PACRG: variants seen among roughly 807,000 people sequenced by gnomAD.
The protein encoded by PACRG is parkin coregulated gene protein.
A neutral mutation model predicts 29.7 loss-of-function variants in PACRG; 29 were observed. The ratio of observed to expected loss-of-function variants is 0.98; its 90% CI spans 0.73 to 1.33. PACRG has a LOEUF of 1.33. PACRG is among the 40% of genes most tolerant of loss of function. PACRG has a pLI of 0.00. For missense variants in PACRG, 279 were observed against 316.2 expected (o/e 0.88, Z 0.89); for synonymous variants, 116 against 118.7 (o/e 0.98, Z 0.15).
At chr6:162,752,683 G>C (rs1781601425) in intron 1 of PACRG, among the ~76,000 whole-genome samples, 1 of 152,222 alleles carries the variant, frequency 6.6e-6, no homozygotes, top group African/African-American at 2.4e-5. Context: ...GCACACTTTA[G>C]CTCTAGAGTG....
chr6:162,776,350 A>G (rs533051579), intron 1 of PACRG, among the ~76,000 whole-genome samples: 1 of 152,322 alleles, frequency 6.6e-6, no homozygotes, highest in Admixed American at 6.5e-5. Context: ...GCCTGTCCTC[A>G]TTCAGGTCAC....
intron 2 of PACRG, among the ~76,000 whole-genome samples, chr6:162,972,106 C>T (rs892964049): frequency 2.6e-5 from 4 of 152,278 alleles, no homozygotes; most frequent in Admixed American, 6.5e-5. Flanking sequence ...AGCATGCAGC[C>T]CTACCTCTGC....
At chr6:163,019,863 C>T (rs1415598957) in intron 2 of PACRG, among the ~76,000 whole-genome samples, 1 of 152,112 alleles carries the variant, frequency 6.6e-6, no homozygotes, top group Non-Finnish European at 1.5e-5. Flanking sequence ...CTTAATTCTC[C>T]CCCTTTCGCC....
intron 4 of PACRG, among the ~76,000 whole-genome samples, 187 bp from the exon 5 acceptor site, chr6:163,314,640 C>T (rs531468170): frequency 6.6e-6 from 1 of 152,156 alleles, no homozygotes; most frequent in Non-Finnish European, 1.5e-5. Context: ...TATTTTTCAT[C>T]GGCTCCAATC....
intron 2 of PACRG, among the ~76,000 whole-genome samples, chr6:162,847,010 T>C (rs565182149): frequency 1.2e-4 from 16 of 134,312 alleles, no homozygotes; most frequent in Non-Finnish European, 8.6e-5. Context: ...CCCCACACTG[T>C]GATGCCCCCC....
At position 162,883,036 on chromosome 6, in the gene PACRG, C is replaced by G. The variant is rs6908253; in HGVS notation, c.291+68755C>G. On this transcript the variant is annotated intron_variant, in intron 2 of 4. Coordinates refer to ENST00000366888, the MANE Select transcript of PACRG (RefSeq NM_001080379.2). ...CCTCGAGTTCCACTCCCTGTTGCAT[C>G]ATCAGCCTTGGAGCAGTGTCTGACA... is the stretch of plus-strand genomic sequence containing the variant. Among the ~76,000 whole-genome samples the G allele has an allele frequency of 5.1e-3, 772 of 152,298 alleles. 3 individuals are homozygous for G. The highest frequency in any genetic ancestry group is 0.017 in the African/African-American group (702 of 41,562).
chr6:162,979,432 G>T (rs1393020620), intron 2 of PACRG, among the ~76,000 whole-genome samples: 1 of 152,140 alleles, frequency 6.6e-6, no homozygotes, highest in Non-Finnish European at 1.5e-5. Flanking sequence ...CTCCTTGTCA[G>T]ATGCATCATT....
At chr6:162,880,195 A>G (rs748672294) in intron 2 of PACRG, among the ~76,000 whole-genome samples, 4 of 152,216 alleles carry the variant, frequency 2.6e-5, no homozygotes, top group African/African-American at 4.8e-5. Flanking sequence ...GTCCCTGTAT[A>G]AAATGTAGCA....
At chr6:163,178,175 C>T (rs1562951421) in intron 4 of PACRG, among the ~76,000 whole-genome samples, 1 of 152,156 alleles carries the variant, frequency 6.6e-6, no homozygotes, top group South Asian at 2.1e-4. Flanking sequence ...GGCTGCAGTC[C>T]CTTGTTGAAG....
chr6:162,864,428 C>A lies in PACRG; in HGVS notation c.291+50147C>A, dbSNP rs547660343. On this transcript the variant is annotated intron_variant, in intron 2 of 4. Transcript: ENST00000366888. ...TGTGCCAGGCCTTATTCTAGGTGCT[C>A]ACACATAGCACCTAGAATTCTGTTG... is the stretch of plus-strand genomic sequence containing the variant. Among the ~76,000 whole-genome samples the A allele has an allele frequency of 9.9e-5, 15 of 152,158 alleles. No individual in the cohort carries two copies. The South Asian group carries it at 3.1e-3, about 32-fold the overall frequency.
chr6:162,816,869 CTT>C (rs1787397802), intron 2 of PACRG, among the ~76,000 whole-genome samples: 1 of 152,220 alleles, frequency 6.6e-6, no homozygotes. Context: ...ACCCTGCACT[CTT>C]CTCTTGTGTG....
intron 2 of PACRG, among the ~76,000 whole-genome samples, chr6:163,021,029 C>T (rs4709673): frequency 0.27 from 41,583 of 152,050 alleles, 6,626 homozygotes; most frequent in East Asian, 0.68. Flanking sequence ...TGTGCCTGCC[C>T]GTCCTGGGCA....
At chr6:162,779,415 A>G (rs1227970167) in intron 1 of PACRG, among the ~76,000 whole-genome samples, 1 of 152,230 alleles carries the variant, frequency 6.6e-6, no homozygotes. Context: ...AAATCCACAG[A>G]AAACATAATC....
intron 2 of PACRG, among the ~76,000 whole-genome samples, chr6:163,010,006 G>A (rs528472000): frequency 6.6e-6 from 1 of 152,242 alleles, no homozygotes; most frequent in South Asian, 2.1e-4. Flanking sequence ...GAGAATTGAT[G>A]CTAAACTTTG....
At chr6:162,938,840 A>T (rs1048591871) in intron 2 of PACRG, among the ~76,000 whole-genome samples, 3 of 151,666 alleles carry the variant, frequency 2.0e-5, no homozygotes, top group Non-Finnish European at 2.9e-5. Context: ...CTCACTTTTT[A>T]TTGGAATTGT....
intron 4 of PACRG, among the ~76,000 whole-genome samples, chr6:163,308,343 T>G (rs920578290): frequency 3.1e-4 from 47 of 152,228 alleles, no homozygotes; most frequent in African/African-American, 1.1e-3. Flanking sequence ...GTCATCTCAA[T>G]CTTTTAACTA....
chr6:163,140,637 A>G (rs1418489717), intron 4 of PACRG, among the ~76,000 whole-genome samples: 1 of 152,188 alleles, frequency 6.6e-6, no homozygotes. Flanking sequence ...AAAAAATTTC[A>G]TAACCCATGA....
chr6:163,000,424 T>C (rs927729497), intron 2 of PACRG, among the ~76,000 whole-genome samples: 1 of 152,128 alleles, frequency 6.6e-6, no homozygotes, highest in Non-Finnish European at 1.5e-5. Context: ...TGCACTCCCA[T>C]CACACTCCCC....
intron 2 of PACRG, among the ~76,000 whole-genome samples, chr6:162,966,127 A>C (rs535879169): frequency 5.8e-4 from 88 of 152,346 alleles, no homozygotes; most frequent in African/African-American, 1.9e-3. Flanking sequence ...GCTTGCCTGG[A>C]CACTGTTGAG....
Sources: gnomAD v4.1 joint callset for allele counts (sites outside exome capture counted in the v4.1 genomes callset) on GRCh38, gnomAD v4.1.1 for gene constraint, MANE v1.5 for transcripts, NCBI Gene and HGNC (gene_info 2026-07-23, HGNC 2026-07-21) for gene names.